The following GRID2 variants were observed in gnomAD, a reference collection of about 807,000 sequenced individuals.
GRID2 encodes glutamate receptor ionotropic, delta-2.
In GRID2, 33 loss-of-function variants were observed where a neutral mutation model predicts 114.8. That is an observed-to-expected ratio of 0.29 (90% CI 0.22 to 0.38). The LOEUF (loss-of-function observed/expected upper bound fraction) is 0.38. Among genes scored for constraint, GRID2 ranks in the 10% least tolerant of loss-of-function variants. The pLI, the probability that GRID2 is intolerant of heterozygous loss-of-function variation, is 1.00. For synonymous variants in GRID2, 505 were observed against 449.9 expected (o/e 1.12, Z -1.55); for missense variants, 1,184 against 1,257.7 (o/e 0.94, Z 0.89).
At chr4:92,748,967 A>G (rs146274307) in intron 2 of GRID2, among the ~76,000 whole-genome samples, 2,940 of 151,522 alleles carry the variant, frequency 0.019, 44 homozygotes, top group Non-Finnish European at 0.031. Flanking sequence ...CTCACCCAGC[A>G]GATTCTGATT....
At chr4:92,564,583 A>G (rs527795298) in intron 1 of GRID2, among the ~76,000 whole-genome samples, 45 of 152,140 alleles carry the variant, frequency 3.0e-4, no homozygotes, top group African/African-American at 1.1e-3. Context: ...TCTATCCCTT[A>G]TCAGTACTGA....
intron 8 of GRID2, among the ~76,000 whole-genome samples, chr4:93,240,794 T>C (rs1370311146): frequency 6.6e-6 from 1 of 151,260 alleles, no homozygotes; most frequent in Non-Finnish European, 1.5e-5. Flanking sequence ...AAGAAAAAGG[T>C]AAAATTTTAC....
intron 4 of GRID2, 107 bp from the exon 5 acceptor site, chr4:93,207,297 T>TC: frequency 1.2e-6 from 1 of 808,872 alleles, no homozygotes; most frequent in South Asian, 1.4e-5. Context: ...AACAAAGACC[T>TC]TTCTAACATA....
intron 8 of GRID2, among the ~76,000 whole-genome samples, chr4:93,302,082 C>T (rs563793216): frequency 6.6e-6 from 1 of 152,140 alleles, no homozygotes; most frequent in East Asian, 1.9e-4. Flanking sequence ...GGAAAAATTA[C>T]TTTCAAAGAA....
chr4:93,093,763 T>G, intron 3 of GRID2, among the ~76,000 whole-genome samples: 1 of 151,992 alleles, frequency 6.6e-6, no homozygotes, highest in Non-Finnish European at 1.5e-5. Flanking sequence ...TTTCTCAGAA[T>G]ATTGATACGT....
downstream of GRID2, among the ~76,000 whole-genome samples, chr4:93,775,311 C>T (rs566058734): frequency 4.1e-4 from 62 of 152,210 alleles, no homozygotes; most frequent in Non-Finnish European, 7.8e-4. Flanking sequence ...TGTTTGACAA[C>T]CTAAAATGTA....
chr4:93,345,025 C>T (rs1048002584), intron 8 of GRID2, among the ~76,000 whole-genome samples: 1 of 141,140 alleles, frequency 7.1e-6, no homozygotes, highest in Non-Finnish European at 1.6e-5. Flanking sequence ...GTGTGTGTAG[C>T]TCACATTTTC....
chr4:93,219,974 T>C (rs1744686428), intron 6 of GRID2, among the ~76,000 whole-genome samples: 1 of 151,946 alleles, frequency 6.6e-6, no homozygotes, highest in Admixed American at 6.6e-5. Flanking sequence ...TTGCTCAGAG[T>C]AGCCAATCAG....
At chr4:93,282,483 G>C (rs1752748317) in intron 8 of GRID2, 2 of 362,890 alleles carry the variant, frequency 5.5e-6, no homozygotes, top group Non-Finnish European at 1.1e-5. Context: ...CGTACAAAAA[G>C]GGGATGAGAT....
intron 11 of GRID2, among the ~76,000 whole-genome samples, chr4:93,481,893 G>A (rs1015060341): frequency 1.6e-4 from 24 of 151,998 alleles, no homozygotes; most frequent in Admixed American, 1.6e-3. Context: ...ATGGAGGGAG[G>A]AAGGTCAAAA....
intron 2 of GRID2, among the ~76,000 whole-genome samples, chr4:92,775,204 C>A (rs930811291): frequency 6.6e-6 from 1 of 152,116 alleles, no homozygotes; most frequent in African/African-American, 2.4e-5. Context: ...GGTAGCAGTT[C>A]TTAAAATTTA....
intron 13 of GRID2, among the ~76,000 whole-genome samples, chr4:93,615,184 C>G (rs73841808): frequency 0.025 from 3,821 of 152,248 alleles, 159 homozygotes; most frequent in African/African-American, 0.086. Context: ...TTAGTTCCAG[C>G]TCTCCAAAAA....
At chr4:93,387,679 A>C (rs1164298501) in intron 8 of GRID2, among the ~76,000 whole-genome samples, 1 of 151,966 alleles carries the variant, frequency 6.6e-6, no homozygotes, top group Non-Finnish European at 1.5e-5. Flanking sequence ...AAAATACAAA[A>C]ATTAGCCAGG....
At chr4:93,103,282 C>G (rs1731874314) in intron 3 of GRID2, among the ~76,000 whole-genome samples, 1 of 152,014 alleles carries the variant, frequency 6.6e-6, no homozygotes, top group Admixed American at 6.6e-5. Context: ...CTTTCTTGTT[C>G]CCTTCCCTTG....
chr4:93,520,462 A>G (rs1730222691), intron 13 of GRID2, among the ~76,000 whole-genome samples: 2 of 152,122 alleles, frequency 1.3e-5, no homozygotes, highest in Admixed American at 6.6e-5. Flanking sequence ...AACCATGCAT[A>G]TAGTTTGGAG....
At chr4:92,461,869 T>A (rs1383774685) in intron 1 of GRID2, among the ~76,000 whole-genome samples, 2 of 152,010 alleles carry the variant, frequency 1.3e-5, no homozygotes, top group South Asian at 2.1e-4. Flanking sequence ...CTAAGTGAGA[T>A]CTTCATCAGC....
intron 14 of GRID2, among the ~76,000 whole-genome samples, chr4:93,658,095 G>T (rs947114958): frequency 6.6e-6 from 1 of 152,086 alleles, no homozygotes. Flanking sequence ...AAAAAACAAG[G>T]TTTTATGTTT....
chr4:93,767,392 A>T (rs886553955), intron 14 of GRID2, among the ~76,000 whole-genome samples: 2 of 152,212 alleles, frequency 1.3e-5, no homozygotes, highest in African/African-American at 4.8e-5. Flanking sequence ...TAAGGGTGAC[A>T]TATAACCCAT....
intron 2 of GRID2, among the ~76,000 whole-genome samples, chr4:92,929,879 G>C (rs538184346): frequency 6.6e-6 from 1 of 151,342 alleles, no homozygotes; most frequent in African/African-American, 2.4e-5. Context: ...GATACATACT[G>C]TTTGCTTAAT....
Sources: gnomAD v4.1 joint callset for allele counts (sites outside exome capture counted in the v4.1 genomes callset) on GRCh38, gnomAD v4.1.1 for gene constraint, MANE v1.5 for transcripts, NCBI Gene and HGNC (gene_info 2026-07-23, HGNC 2026-07-21) for gene names.